Variants in SLC12A6 observed in about 807,000 individuals in gnomAD.
The protein encoded by SLC12A6 is K-Cl cotransporter 3.
A neutral mutation model predicts 135.3 loss-of-function variants in SLC12A6; 66 were observed. The observed-to-expected ratio is 0.49, with a 90% CI of 0.40 to 0.60. SLC12A6 has a LOEUF of 0.60. Ranked by LOEUF, SLC12A6 falls within the 20% of genes least tolerant of loss-of-function variation. SLC12A6 has a pLI of 0.00. For missense variants in SLC12A6, 1,058 were observed against 1,452.3 expected (o/e 0.73, Z 4.41); for synonymous variants, 513 against 508.8 (o/e 1.01, Z -0.11).
At chr15:34,298,941 C>T (rs1337605193) in intron 2 of SLC12A6, among the ~76,000 whole-genome samples, 8 of 152,210 alleles carry the variant, frequency 5.3e-5, no homozygotes, top group African/African-American at 1.7e-4. Flanking sequence ...AAAATTCTGC[C>T]TTTATCAGTT....
At chr15:34,313,897 A>G (rs925691705) in intron 2 of SLC12A6, among the ~76,000 whole-genome samples, 1 of 151,728 alleles carries the variant, frequency 6.6e-6, no homozygotes, top group African/African-American at 2.4e-5. Flanking sequence ...CTTGAGCACA[A>G]GAGTTCAAGG....
At chr15:34,336,239 C>CACT (rs1890185449) in intron 2 of SLC12A6, among the ~76,000 whole-genome samples, 171 bp downstream of exon 2, 1 of 152,154 alleles carries the variant, frequency 6.6e-6, no homozygotes, top group Admixed American at 6.5e-5. Flanking sequence ...TGCAAAGAGC[C>CACT]ACTATGCTAT....
chr15:34,237,342 AACCAGAAAAG>A, intron 22 of SLC12A6, 67 bp downstream of exon 22: 3 of 1,433,666 alleles, frequency 2.1e-6, no homozygotes, highest in Non-Finnish European at 2.9e-6. Flanking sequence ...AAATTTCCCA[AACCAGAAAAG>A]ATTCAAGGAA....
Position 34,330,974 on chromosome 15 carries a change from G to A in SLC12A6, c.271+5436C>T, listed in dbSNP as rs188745373. ...GAAGAATCACTTGAACCCAGGAGGC[G>A]GAGGTTGCAATGAGTGGAGACCGCA... On this transcript the variant is annotated intron_variant, in intron 2 of 25. Coordinates refer to ENST00000354181, the MANE Select transcript of SLC12A6 (RefSeq NM_001365088.1). Among the ~76,000 whole-genome samples the A allele has an allele frequency of 5.6e-4, 85 of 152,062 alleles. 1 individual carries two copies. Among genetic ancestry groups the A allele is most frequent in the African/African-American group, 1.5e-3 (62 of 41,486 alleles).
rs1338213058 is a variant in SLC12A6, at chr15:34,237,557, G to C, written c.2803-7C>G. 1 of 1,610,152 alleles carries C rather than the reference G, an allele frequency of 6.2e-7. No homozygotes were observed. The highest frequency in any genetic ancestry group is 8.5e-7 in the Non-Finnish European group (1 of 1,177,016). ...TGCTGCACTTTCGCCACACCTGAGA[G>C]AGTGACATACACATGTGAAAAATTA... On this transcript the variant is annotated splice_polypyrimidine_tract_variant and splice_region_variant and intron_variant, in intron 21 of 25. Coordinates refer to ENST00000354181, the MANE Select transcript of SLC12A6 (RefSeq NM_001365088.1).
At chr15:34,300,153 G>A (rs991343076) in intron 2 of SLC12A6, among the ~76,000 whole-genome samples, 1 of 152,160 alleles carries the variant, frequency 6.6e-6, no homozygotes, top group Non-Finnish European at 1.5e-5. Context: ...AGGTTCTAGA[G>A]CACAGGTGTA....
Position 34,236,068 on chromosome 15 carries a change from C to G in SLC12A6, c.3174G>C (p.Arg1058=). ...CTTCCATTGACTTCGCTTTTTGTCC[C>G]CGGGATGCCATGTACTTGTCTTTTG... ...TWTKDKYMAS[R]GQKAKSMEGF... Residue 1058 remains arginine (R), a synonymous_variant, in exon 24 of 26, where the codon CGG becomes CGC. Transcript: ENST00000354181. The G allele has an allele frequency of 1.2e-6, 2 of 1,614,116 alleles. No individual in the cohort carries two copies. Among genetic ancestry groups the G allele is most frequent in the Non-Finnish European group, 1.7e-6 (2 of 1,179,982 alleles).
chr15:34,230,061 A>T lies in SLC12A6; in HGVS notation c.*3820T>A, dbSNP rs561846187. Reference sequence around the variant, plus strand: ...GAGCAAAACAACAACAAAAAAACATAACTATGTAAACAAGAGAATAACTGC... The same window carrying T: ...GAGCAAAACAACAACAAAAAAACATTACTATGTAAACAAGAGAATAACTGC... On this transcript the variant is annotated 3_prime_UTR_variant, in exon 26 of 26. Coordinates refer to ENST00000354181, the MANE Select transcript of SLC12A6 (RefSeq NM_001365088.1). 9.2e-6 allele frequency: 4 copies of T among 434,814 alleles called. No individual in the cohort carries two copies. Among genetic ancestry groups the T allele is most frequent in the Non-Finnish European group, 1.6e-5 (4 of 246,406 alleles). The allele number at this position is 434,814 out of a possible 1,614,324, so 26.9% of individuals were successfully genotyped here.
intron 2 of SLC12A6, among the ~76,000 whole-genome samples, chr15:34,292,007 C>T (rs148651780): frequency 0.023 from 3,546 of 152,170 alleles, 138 homozygotes; most frequent in African/African-American, 0.081. Context: ...ACTCATTCTC[C>T]ATCCAGTTTT....
chr15:34,308,791 TTCAA>T (rs1213467667), intron 2 of SLC12A6, among the ~76,000 whole-genome samples: 1 of 152,122 alleles, frequency 6.6e-6, no homozygotes, highest in Non-Finnish European at 1.5e-5. Context: ...GCAGTTAACT[TTCAA>T]TTAATTTTGT....
intron 2 of SLC12A6, among the ~76,000 whole-genome samples, chr15:34,313,458 A>G (rs1465260506): frequency 6.6e-6 from 1 of 152,202 alleles, no homozygotes; most frequent in Non-Finnish European, 1.5e-5. Flanking sequence ...TGCAAAATAA[A>G]AGTTTGAAGC....
chr15:34,333,693 G>C (rs140918698), intron 2 of SLC12A6, among the ~76,000 whole-genome samples: 31 of 152,186 alleles, frequency 2.0e-4, no homozygotes, highest in African/African-American at 7.0e-4. Flanking sequence ...CAAAATGAAA[G>C]AAAAATTACT....
At chr15:34,319,130 CTTTTTTTTTTT>C (rs926815901) in intron 2 of SLC12A6, among the ~76,000 whole-genome samples, 7 of 135,390 alleles carry the variant, frequency 5.2e-5, no homozygotes, top group Middle Eastern at 3.8e-3. Flanking sequence ...GAACAGTTAA[CTTTTTTTTTTT>C]TTTTTTTTGA....
At chr15:34,234,914 T>C (rs979970098) in intron 25 of SLC12A6, among the ~76,000 whole-genome samples, 1 of 152,176 alleles carries the variant, frequency 6.6e-6, no homozygotes. Context: ...GTCTGTAGGA[T>C]TGTCAGGAAG....
chr15:34,312,680 T>C (rs1888344206), intron 2 of SLC12A6, among the ~76,000 whole-genome samples: 1 of 152,238 alleles, frequency 6.6e-6, no homozygotes, highest in African/African-American at 2.4e-5. Context: ...CCTTGTTTTA[T>C]TGTGCTGTGC....
intron 2 of SLC12A6, among the ~76,000 whole-genome samples, chr15:34,292,656 C>T (rs1005714919): frequency 2.0e-5 from 3 of 152,176 alleles, no homozygotes; most frequent in South Asian, 4.1e-4. Context: ...GCCCAGTTCG[C>T]GGTTCCCTGC....
intron 2 of SLC12A6, among the ~76,000 whole-genome samples, chr15:34,308,573 C>G (rs1231182144): frequency 6.9e-6 from 1 of 144,278 alleles, no homozygotes; most frequent in Non-Finnish European, 1.5e-5. Flanking sequence ...TGCAGTGAGC[C>G]GAGACCACTC....
At chr15:34,307,514 G>C (rs1896678332) in intron 2 of SLC12A6, among the ~76,000 whole-genome samples, 3 of 151,974 alleles carry the variant, frequency 2.0e-5, no homozygotes, top group Admixed American at 1.3e-4. Flanking sequence ...TTGAAGATGA[G>C]GTCTCACTAT....
chr15:34,280,361 T>C (rs1214261135), intron 2 of SLC12A6, among the ~76,000 whole-genome samples: 1 of 152,154 alleles, frequency 6.6e-6, no homozygotes, highest in Admixed American at 6.5e-5. Context: ...ACATCAGAAT[T>C]AAGACTGTTA....
Sources: gnomAD v4.1 joint callset for allele counts (sites outside exome capture counted in the v4.1 genomes callset) on GRCh38, gnomAD v4.1.1 for gene constraint, MANE v1.5 for transcripts, NCBI Gene and HGNC (gene_info 2026-07-23, HGNC 2026-07-21) for gene names.